TNNI3K: variants seen among roughly 807,000 people sequenced by gnomAD.
The protein encoded by TNNI3K is TNNI3 interacting kinase, also known as serine/threonine-protein kinase TNNI3K.
A neutral mutation model predicts 114.5 loss-of-function variants in TNNI3K; 140 were observed. That is an observed-to-expected ratio of 1.22 (90% confidence interval 1.07 to 1.41). The LOEUF (loss-of-function observed/expected upper bound fraction) is 1.41, where lower values mean the gene tolerates loss of function less well. Among genes scored for constraint, TNNI3K ranks in the 40% most tolerant of loss-of-function variants. TNNI3K has a pLI of 0.00. For synonymous variants in TNNI3K, 347 were observed against 347.5 expected (o/e 1.00, Z 0.02); for missense variants, 1,125 against 1,007.6 (o/e 1.12, Z -1.58).
At chr1:74,367,840 A>G (rs1227528674) in intron 12 of TNNI3K, 68 bp from the exon 13 acceptor site, 1 of 1,427,122 alleles carries the variant, frequency 7.0e-7, no homozygotes, top group Non-Finnish European at 9.5e-7. Flanking sequence ...TTATTTTTAT[A>G]ATGTTGAACT....
At chr1:74,283,685 C>A (rs1342838895) in intron 5 of TNNI3K, among the ~76,000 whole-genome samples, 1 of 152,116 alleles carries the variant, frequency 6.6e-6, no homozygotes, top group South Asian at 2.1e-4. Context: ...CCTTTGTAAC[C>A]ATTTGTGTTA....
intron 17 of TNNI3K, among the ~76,000 whole-genome samples, chr1:74,415,892 T>G (rs1278373459): frequency 6.6e-6 from 1 of 152,196 alleles, no homozygotes; most frequent in East Asian, 1.9e-4. Flanking sequence ...CTACAGCTAC[T>G]ACTGGTATGC....
intron 17 of TNNI3K, chr1:74,418,292 C>A: frequency 2.7e-6 from 1 of 367,840 alleles, no homozygotes; most frequent in Admixed American, 3.5e-5. Flanking sequence ...ATGAAGTCAC[C>A]ACATCAGCCA....
chr1:74,319,169 C>T (rs1047090159), intron 5 of TNNI3K, among the ~76,000 whole-genome samples: 1 of 152,118 alleles, frequency 6.6e-6, no homozygotes, highest in African/African-American at 2.4e-5. Flanking sequence ...GAAGATAATC[C>T]ACTTCCATGC....
intron 5 of TNNI3K, among the ~76,000 whole-genome samples, chr1:74,284,627 G>T (rs72673222): frequency 2.0e-5 from 3 of 152,222 alleles, no homozygotes; most frequent in Non-Finnish European, 4.4e-5. Context: ...AAGCAATTCA[G>T]AGTAGCCCCT....
chr1:74,439,856 G>C (rs1666299175), intron 20 of TNNI3K, among the ~76,000 whole-genome samples: 1 of 151,688 alleles, frequency 6.6e-6, no homozygotes, highest in Non-Finnish European at 1.5e-5. Context: ...TTAAAGTTTG[G>C]GACTTGATTT....
intron 23 of TNNI3K, among the ~76,000 whole-genome samples, chr1:74,538,878 G>T (rs1646692660): frequency 6.6e-6 from 1 of 152,184 alleles, no homozygotes; most frequent in African/African-American, 2.4e-5. Context: ...AAAAGATGTG[G>T]AGAAGGGTAT....
At chr1:74,389,694 C>T (rs577502648) in intron 17 of TNNI3K, among the ~76,000 whole-genome samples, 1 of 152,302 alleles carries the variant, frequency 6.6e-6, no homozygotes, top group African/African-American at 2.4e-5. Context: ...TTACACCAAG[C>T]ATAGAGCCTA....
At chr1:74,417,581 T>C (rs1665178657) in intron 17 of TNNI3K, among the ~76,000 whole-genome samples, 1 of 152,034 alleles carries the variant, frequency 6.6e-6, no homozygotes. Flanking sequence ...AATATATCTC[T>C]TGTAAGCCCA....
chr1:74,530,704 G>A (rs1646571003), intron 23 of TNNI3K, among the ~76,000 whole-genome samples: 1 of 147,632 alleles, frequency 6.8e-6, no homozygotes, highest in South Asian at 2.2e-4. Flanking sequence ...TCACTGTCAT[G>A]CTACCAAGAA....
chr1:74,453,699 A>G (rs1458146328), intron 20 of TNNI3K, among the ~76,000 whole-genome samples: 1 of 152,138 alleles, frequency 6.6e-6, no homozygotes, highest in Non-Finnish European at 1.5e-5. Context: ...CAGGTTTAGG[A>G]AAACTGAAAA....
chr1:74,294,471 T>C (rs1481225037), intron 5 of TNNI3K, among the ~76,000 whole-genome samples: 2 of 152,186 alleles, frequency 1.3e-5, no homozygotes, highest in East Asian at 3.9e-4. Flanking sequence ...TTTGCACACC[T>C]CTTTCTAACT....
At chr1:74,524,768 AT>A (rs767422954) in intron 23 of TNNI3K, among the ~76,000 whole-genome samples, 370 of 148,370 alleles carry the variant, frequency 2.5e-3, no homozygotes, top group Admixed American at 3.2e-3. Flanking sequence ...AAAAAAAAAA[AT>A]GAAAAAGAAA....
In TNNI3K at chr1:74,353,265, G is replaced by A. The variant is rs752821218; in HGVS notation, c.933-1G>A. The A allele has an allele frequency of 7.5e-6, 12 of 1,608,906 alleles. No homozygotes were observed. The East Asian group carries it at 1.3e-4, about 18-fold the overall frequency. On this transcript the variant is annotated splice_acceptor_variant, in intron 9 of 24. Transcript: ENST00000326637. LOFTEE classifies it high-confidence loss of function. ...TCTTGTTTTATGGTTTTTTTTTTCA[G>A]TGCTTGTACCTATGGCAAGAGCATT...
intron 17 of TNNI3K, among the ~76,000 whole-genome samples, chr1:74,412,395 C>T (rs1205897604): frequency 6.6e-6 from 1 of 152,056 alleles, no homozygotes; most frequent in Non-Finnish European, 1.5e-5. Context: ...ACGACACAAG[C>T]AGAGGCTTGA....
At position 74,538,276 on chromosome 1, in the gene TNNI3K, A is replaced by G. The variant is rs116324241; in HGVS notation, c.2352-1958A>G. Among the ~76,000 whole-genome samples the G allele has an allele frequency of 5.2e-3, 796 of 152,260 alleles. 6 individuals carry two copies. Among genetic ancestry groups the G allele is most frequent in the African/African-American group, 0.018 (738 of 41,566 alleles). ...CAAGTAGGGCTATAGAGGACTTGGT[A>G]TATCGGCTTGGGGAATTGCAGGGGA... On this transcript the variant is annotated intron_variant, in intron 23 of 24. Transcript: ENST00000326637.
At chr1:74,514,580 T>C (rs1646321443) in intron 23 of TNNI3K, among the ~76,000 whole-genome samples, 1 of 152,146 alleles carries the variant, frequency 6.6e-6, no homozygotes, top group Admixed American at 6.6e-5. Flanking sequence ...TAGGTAGATA[T>C]TATCTCCATT....
intron 24 of TNNI3K, among the ~76,000 whole-genome samples, chr1:74,542,963 A>G (rs80289678): frequency 4.6e-5 from 7 of 151,484 alleles, no homozygotes; most frequent in Non-Finnish European, 7.4e-5. Flanking sequence ...TAAGAATTTT[A>G]TGTACCTTTA....
chr1:74,542,466 G>T (rs1646738247), intron 24 of TNNI3K, among the ~76,000 whole-genome samples: 1 of 152,186 alleles, frequency 6.6e-6, no homozygotes, highest in African/African-American at 2.4e-5. Context: ...CTGCTGATAT[G>T]TATCCTACTG....
Sources: gnomAD v4.1 joint callset for allele counts (sites outside exome capture counted in the v4.1 genomes callset) on GRCh38, gnomAD v4.1.1 for gene constraint, MANE v1.5 for transcripts, NCBI Gene and HGNC (gene_info 2026-07-23, HGNC 2026-07-21) for gene names.